Variants in ADAMTS17 observed in about 807,000 individuals in gnomAD.
ADAMTS17 encodes A disintegrin and metalloproteinase with thrombospondin motifs 17.
Under a neutral mutation model 141.5 loss-of-function variants are expected in ADAMTS17, and 113 were observed. The observed-to-expected ratio is 0.80, with a 90% CI of 0.69 to 0.93. ADAMTS17 has a LOEUF of 0.93. ADAMTS17 is among the 40% of genes least tolerant of loss of function. The pLI, the probability that ADAMTS17 is intolerant of heterozygous loss-of-function variation, is 0.00. For missense variants in ADAMTS17, 1,659 were observed against 1,517.9 expected (o/e 1.09, Z -1.54); for synonymous variants, 768 against 630.6 (o/e 1.22, Z -3.27).
At chr15:100,167,477 G>A (rs1330146258) in intron 8 of ADAMTS17, among the ~76,000 whole-genome samples, 1 of 152,166 alleles carries the variant, frequency 6.6e-6, no homozygotes, top group African/African-American at 2.4e-5. Context: ...TTCCAGGGCT[G>A]CTGTGGATTT....
chr15:100,279,095 T>G (rs1046552390), intron 4 of ADAMTS17, among the ~76,000 whole-genome samples: 1 of 152,264 alleles, frequency 6.6e-6, no homozygotes, highest in East Asian at 1.9e-4. Context: ...TCCAGCTTTG[T>G]GTCCTTGCCC....
chr15:100,278,645 G>A (rs566400364), intron 4 of ADAMTS17, among the ~76,000 whole-genome samples: 1 of 152,316 alleles, frequency 6.6e-6, no homozygotes, highest in African/African-American at 2.4e-5. Flanking sequence ...GAGATAGAGG[G>A]AGTTTCCTGC....
chr15:100,086,329 G>A (rs1012759823), intron 15 of ADAMTS17, among the ~76,000 whole-genome samples: 3 of 150,792 alleles, frequency 2.0e-5, no homozygotes, highest in Admixed American at 1.3e-4. Context: ...CAATACAGGA[G>A]CACCCAGATT....
At chr15:100,216,165 C>G (rs1220947429) in intron 7 of ADAMTS17, among the ~76,000 whole-genome samples, 1 of 152,198 alleles carries the variant, frequency 6.6e-6, no homozygotes, top group Non-Finnish European at 1.5e-5. Context: ...AGATGAACAC[C>G]TACCTCGTGG....
intron 20 of ADAMTS17, among the ~76,000 whole-genome samples, chr15:99,991,463 A>G (rs1596171403): frequency 6.6e-6 from 1 of 152,242 alleles, no homozygotes; most frequent in African/African-American, 2.4e-5. Flanking sequence ...AATCAAAACC[A>G]CAATGAGATA....
intron 7 of ADAMTS17, among the ~76,000 whole-genome samples, chr15:100,211,505 T>G (rs897898018): frequency 6.6e-6 from 1 of 152,070 alleles, no homozygotes; most frequent in Non-Finnish European, 1.5e-5. Flanking sequence ...TACACAAGAA[T>G]GGAAACAACT....
chr15:100,002,168 A>T (rs2060941479), intron 18 of ADAMTS17, among the ~76,000 whole-genome samples: 1 of 151,990 alleles, frequency 6.6e-6, no homozygotes, highest in South Asian at 2.1e-4. Context: ...GTCTCTCATG[A>T]ACTGACTCCC....
At chr15:100,301,866 TTA>T (rs2045051393) in intron 3 of ADAMTS17, among the ~76,000 whole-genome samples, 2 of 152,228 alleles carry the variant, frequency 1.3e-5, no homozygotes, top group East Asian at 3.8e-4. Context: ...CAAATTACTA[TTA>T]AAGCATCCTA....
In ADAMTS17 at chr15:100,112,156, T is replaced by C. The variant is rs372385883; in HGVS notation, c.1889-3040A>G. ...ATGAAGGCTGTTTATCTGGACTCTT[T>C]AGGGTGAGCAGAGAAATGCGGACTC... is the stretch of plus-strand genomic sequence containing the variant. On this transcript the variant is annotated intron_variant, in intron 13 of 21. Transcript: ENST00000268070. Among the ~76,000 whole-genome samples the C allele has an allele frequency of 4.6e-4, 70 of 152,320 alleles. 3 individuals carry two copies. In the South Asian group the frequency reaches 0.014, roughly 31 times the overall value.
At position 99,997,729 on chromosome 15, in the gene ADAMTS17, T is replaced by C. The variant is rs748706912; in HGVS notation, c.2592-140A>G. On this transcript the variant is annotated intron_variant, in intron 18 of 21. Transcript: ENST00000268070. The surrounding 1 kb of genome is among the most constrained non-coding windows in gnomAD (Gnocchi z 4.7). Reference sequence around the variant, plus strand: ...ACTCAGGAAGCTTTTCAGCCAACCCTGGACATAACTCAGAGTATCGGCACA... The same window carrying C: ...ACTCAGGAAGCTTTTCAGCCAACCCCGGACATAACTCAGAGTATCGGCACA... 33 of 1,003,398 alleles carry C rather than the reference T, an allele frequency of 3.3e-5. No individual in the cohort carries two copies. The highest frequency in any genetic ancestry group is 5.0e-5 in the Non-Finnish European group (33 of 663,656). The allele number at this position is 1,003,398 out of a possible 1,614,324, so 62.2% of individuals were successfully genotyped here.
intron 15 of ADAMTS17, among the ~76,000 whole-genome samples, chr15:100,081,404 ATATG>A (rs1437845573): frequency 6.6e-6 from 1 of 152,224 alleles, no homozygotes; most frequent in African/African-American, 2.4e-5. Flanking sequence ...ACTCCCATAT[ATATG>A]TATGTGTGTA....
At chr15:100,152,174 G>A (rs972553538) in intron 10 of ADAMTS17, among the ~76,000 whole-genome samples, 18 of 152,226 alleles carry the variant, frequency 1.2e-4, no homozygotes, top group Admixed American at 5.2e-4. Context: ...AATTTGATAC[G>A]CTCAAATGTT....
chr15:100,307,963 A>T (rs1306514604), intron 3 of ADAMTS17, among the ~76,000 whole-genome samples: 1 of 152,274 alleles, frequency 6.6e-6, no homozygotes, highest in Non-Finnish European at 1.5e-5. Context: ...ACAAAATTCA[A>T]CCTACGAGTA....
At position 99,972,614 on chromosome 15, in the gene ADAMTS17, G is replaced by C. The variant is rs370104650; in HGVS notation, c.*1788C>G. On this transcript the variant is annotated 3_prime_UTR_variant, in exon 22 of 22. Transcript: ENST00000268070. ...TCTGCTGGTGGCCAGGCCTGAAGGG[G>C]AGGACAGCAGTCTGCGCAGGCCGCG... 6.6e-6 allele frequency: 1 copy of C among 152,220 alleles called. No homozygotes were observed. The highest frequency in any genetic ancestry group is 2.4e-5 in the African/African-American group (1 of 41,460). 9.4% of individuals were successfully genotyped at this position (152,220 alleles called of 1,614,324 possible).
chr15:100,234,762 C>T (rs11247170), intron 7 of ADAMTS17, among the ~76,000 whole-genome samples: 37,330 of 152,146 alleles, frequency 0.25, 4,700 homozygotes, highest in South Asian at 0.33. Flanking sequence ...ACTGCTGCCT[C>T]TCCGGGAAAC....
intron 15 of ADAMTS17, among the ~76,000 whole-genome samples, chr15:100,054,938 T>C (rs1325812486): frequency 6.6e-6 from 1 of 152,202 alleles, no homozygotes; most frequent in Admixed American, 6.5e-5. Flanking sequence ...GGGGTGAAGA[T>C]CATGTGGTTC....
intron 3 of ADAMTS17, among the ~76,000 whole-genome samples, chr15:100,313,188 T>A (rs147931088): frequency 1.5e-4 from 23 of 152,286 alleles, no homozygotes; most frequent in Non-Finnish European, 2.8e-4. Flanking sequence ...GCTATAATAC[T>A]AATATCTAAA....
At chr15:100,206,690 T>C (rs1376409438) in intron 7 of ADAMTS17, among the ~76,000 whole-genome samples, 1 of 152,092 alleles carries the variant, frequency 6.6e-6, no homozygotes, top group East Asian at 1.9e-4. Flanking sequence ...AATAATCTCC[T>C]CCATGTGGGG....
rs2060731773 is a variant in ADAMTS17, at chr15:99,993,437, C to T, written c.2797-237G>A. On this transcript the variant is annotated intron_variant, in intron 19 of 21. Coordinates refer to ENST00000268070, the MANE Select transcript of ADAMTS17 (RefSeq NM_139057.4). This position sits in a 1 kb window ranked among gnomAD's most constrained non-coding sequence, Gnocchi z 4.3. ...ACCTAGGAATCAGGAGTGGGAAGAA[C>T]CTGGGGTACTCATAAGGTCACATGA... Among the ~76,000 whole-genome samples, 2 of 152,128 alleles carry T rather than the reference C, an allele frequency of 1.3e-5. No homozygotes were observed. The highest frequency in any genetic ancestry group is 6.5e-5 in the Admixed American group (1 of 15,272).
Sources: allele counts gnomAD v4.1 joint callset (sites outside exome capture counted in the v4.1 genomes callset), GRCh38; gene constraint gnomAD v4.1.1; non-coding constraint Gnocchi (gnomAD v3.1); transcripts MANE v1.5; gene names NCBI Gene and HGNC (gene_info 2026-07-23, HGNC 2026-07-21).